Variants in OGDHL observed in about 807,000 individuals in gnomAD.
OGDHL encodes oxoglutarate dehydrogenase L, also known as 2-oxoglutarate dehydrogenase-like, mitochondrial.
OGDHL carries 79 observed loss-of-function variants against 109.6 expected under a neutral mutation model. The observed-to-expected ratio is 0.72, with a 90% confidence interval of 0.60 to 0.87. OGDHL has a LOEUF of 0.87. OGDHL is among the 40% of genes least tolerant of loss of function. The pLI is 0.00. For synonymous variants in OGDHL, 528 were observed against 537.2 expected (o/e 0.98, Z 0.24); for missense variants, 1,275 against 1,362.2 (o/e 0.94, Z 1.01).
chr10:49,735,882 C>T (rs1841121408), intron 22 of OGDHL, 141 bp downstream of exon 22: 1 of 937,268 alleles, frequency 1.1e-6, no homozygotes, highest in Non-Finnish European at 1.5e-6. Context: ...AAACACAAAG[C>T]CAGTACTGAT....
chr10:49,744,805 C>T (rs1268723), intron 12 of OGDHL, 53 bp from the exon 13 acceptor site: 659,413 of 1,436,424 alleles, frequency 0.46, 161,560 homozygotes, highest in East Asian at 0.89. Context: ...CGCAGCCAGA[C>T]GCCCAGTCCA....
intron 16 of OGDHL, 23 bp from the exon 17 acceptor site, chr10:49,739,862 C>G (rs370396305): frequency 6.2e-7 from 1 of 1,604,198 alleles, no homozygotes; most frequent in Non-Finnish European, 8.5e-7. Context: ...CAAGATAGAG[C>G]TTGCTGCACA....
At chr10:49,736,329 C>T (rs770443508) in intron 21 of OGDHL, 28 bp downstream of exon 21, 49 of 1,613,248 alleles carry the variant, frequency 3.0e-5, no homozygotes, top group Non-Finnish European at 3.8e-5. Context: ...TTGCCCATCA[C>T]TTGACTGTAC....
chr10:49,750,808 T>C (rs1322261972), intron 7 of OGDHL, 31 bp downstream of exon 7: 18 of 1,578,660 alleles, frequency 1.1e-5, no homozygotes, highest in East Asian at 2.3e-5. Context: ...TGGAGGAGAA[T>C]GCGCAAGGCA....
chr10:49,762,287 G>T lies in OGDHL; in HGVS notation c.-50C>A, dbSNP rs1166299296. ...CTGCAGCGAGGTCCGGAGGCTGCAGGTCAGGGGGCTGCGCGGAAGGGGTGC... is the reference window on the plus strand; with the variant it reads ...CTGCAGCGAGGTCCGGAGGCTGCAGTTCAGGGGGCTGCGCGGAAGGGGTGC... On this transcript the variant is annotated 5_prime_UTR_variant, in exon 1 of 23. Coordinates refer to ENST00000374103, the MANE Select transcript of OGDHL (RefSeq NM_018245.3). The T allele has an allele frequency of 6.6e-6, 1 of 152,108 alleles. No homozygotes were observed. The highest frequency in any genetic ancestry group is 1.5e-5 in the Non-Finnish European group (1 of 68,002). The allele number at this position is 152,108 out of a possible 1,614,324, so 9.4% of individuals were successfully genotyped here.
Position 49,736,369 on chromosome 10 carries a change from C to A in OGDHL, c.2742G>T (p.Thr914=). ...SQDLEEKVAI[T]RLEQISPFPF... ...GGTTCAGGCACACCTGCTCCAGGCG[C>A]GTGATGGCCACTTTCTCCTCCAGGT... Residue 914 remains threonine (T), a synonymous_variant, in exon 21 of 23, where the codon ACG becomes ACT. Transcript: ENST00000374103. 6.2e-7 allele frequency: 1 copy of A among 1,614,148 alleles called. No individual in the cohort carries two copies.
rs1193636613 is a variant in OGDHL at position 49,735,138 on chromosome 10, T to C, written c.*90A>G. On this transcript the variant is annotated 3_prime_UTR_variant, in exon 23 of 23. Transcript: ENST00000374103. Reference sequence around the variant, plus strand: ...TTATCCTGGGGCCCCACAGCCCCTCTCCTGGGCAGGAGCTCCGCCCCTCCC... The same window carrying C: ...TTATCCTGGGGCCCCACAGCCCCTCCCCTGGGCAGGAGCTCCGCCCCTCCC... The C allele has an allele frequency of 6.5e-7, 1 of 1,536,084 alleles. No individual in the cohort carries two copies. The highest frequency in any genetic ancestry group is 1.4e-5 in the African/African-American group (1 of 72,746).
chr10:49,738,932 A>G (rs550347300), intron 17 of OGDHL: 8 of 153,366 alleles, frequency 5.2e-5, no homozygotes, highest in African/African-American at 1.9e-4. Flanking sequence ...TGGCCTCCCA[A>G]GAAGCTGCCT....
intron 1 of OGDHL, among the ~76,000 whole-genome samples, chr10:49,759,108 C>T (rs1445411618): frequency 1.3e-5 from 2 of 151,974 alleles, no homozygotes; most frequent in African/African-American, 4.8e-5. Flanking sequence ...GCACAGGTGT[C>T]GGGGGTGATA....
chr10:49,735,523 A>T (rs1248153611), intron 22 of OGDHL, among the ~76,000 whole-genome samples, 172 bp from the exon 23 acceptor site: 1 of 152,198 alleles, frequency 6.6e-6, no homozygotes, highest in East Asian at 1.9e-4. Context: ...CCCGGATCAA[A>T]CTCAGTCACC....
At chr10:49,746,653 C>T in intron 10 of OGDHL, 97 bp downstream of exon 10, 1 of 1,503,644 alleles carries the variant, frequency 6.7e-7, no homozygotes, top group Non-Finnish European at 9.1e-7. Flanking sequence ...CAGCAGTGGG[C>T]TCAGAGCCAG....
chr10:49,750,344 C>T (rs549109021), intron 7 of OGDHL, among the ~76,000 whole-genome samples: 8 of 152,322 alleles, frequency 5.3e-5, no homozygotes, highest in South Asian at 4.2e-4. Context: ...TCAGAGGTAA[C>T]GCCCCACTGC....
chr10:49,755,316 T>C (rs1397710453), intron 3 of OGDHL, among the ~76,000 whole-genome samples: 3 of 152,240 alleles, frequency 2.0e-5, no homozygotes, highest in South Asian at 2.1e-4. Flanking sequence ...TAGGCATTAT[T>C]ATGTTTAGAT....
chr10:49,761,840 G>A (rs966357924), intron 1 of OGDHL, among the ~76,000 whole-genome samples: 1 of 152,202 alleles, frequency 6.6e-6, no homozygotes, highest in Non-Finnish European at 1.5e-5. Flanking sequence ...GTCCGAAGCT[G>A]CCTATGGGTC....
intron 3 of OGDHL, among the ~76,000 whole-genome samples, chr10:49,753,252 G>C (rs1372766718): frequency 6.6e-6 from 1 of 152,104 alleles, no homozygotes; most frequent in Admixed American, 6.5e-5. Context: ...ATATGCATTA[G>C]AAGGGAAAAT....
At chr10:49,755,214 A>T (rs1842847328) in intron 3 of OGDHL, among the ~76,000 whole-genome samples, 1 of 152,226 alleles carries the variant, frequency 6.6e-6, no homozygotes, top group Non-Finnish European at 1.5e-5. Flanking sequence ...ACTGCACTCC[A>T]GTCTGGGTGA....
At chr10:49,740,928 C>T in intron 15 of OGDHL, 91 bp from the exon 16 acceptor site, 1 of 1,532,104 alleles carries the variant, frequency 6.5e-7, no homozygotes, top group Admixed American at 1.7e-5. Context: ...AGGAGGCAGG[C>T]AAGCCTCCGT....
intron 14 of OGDHL, chr10:49,743,785 G>A (rs1841971108): frequency 1.9e-6 from 1 of 513,280 alleles, no homozygotes; most frequent in Non-Finnish European, 3.4e-6. Context: ...CTGGGAGTGT[G>A]GCATCTGGAG....
chr10:49,744,506 C>T (rs1034600871), intron 13 of OGDHL, 144 bp downstream of exon 13: 37 of 657,510 alleles, frequency 5.6e-5, no homozygotes, highest in Non-Finnish European at 8.7e-5. Flanking sequence ...ATCGGCCCCA[C>T]GCAGCTTTGG....
Sources: allele counts gnomAD v4.1 joint callset (sites outside exome capture counted in the v4.1 genomes callset), GRCh38; gene constraint gnomAD v4.1.1; transcripts MANE v1.5; gene names NCBI Gene and HGNC (gene_info 2026-07-23, HGNC 2026-07-21).